Variants in TIAM1 observed in about 807,000 individuals in gnomAD.
The protein encoded by TIAM1 is TIAM Rac1 associated GEF 1, also known as rho guanine nucleotide exchange factor TIAM1.
In TIAM1, 65 loss-of-function variants were observed where a neutral mutation model predicts 163.5. The observed-to-expected ratio is 0.40, with a 90% CI of 0.33 to 0.49. The LOEUF (loss-of-function observed/expected upper bound fraction) is 0.49. TIAM1 is among the 20% of genes least tolerant of loss of function. The pLI is 0.77. For missense variants in TIAM1, 1,789 were observed against 2,044.7 expected (o/e 0.87, Z 2.41); for synonymous variants, 833 against 810.1 (o/e 1.03, Z -0.48).
At chr21:31,419,846 T>G (rs1423318132) in intron 2 of TIAM1, among the ~76,000 whole-genome samples, 1 of 151,590 alleles carries the variant, frequency 6.6e-6, no homozygotes, top group East Asian at 1.9e-4. Context: ...AGGTCAGGAG[T>G]TCAAGACCAG....
At chr21:31,438,476 G>A (rs1280673364) in intron 2 of TIAM1, among the ~76,000 whole-genome samples, 6 of 152,096 alleles carry the variant, frequency 3.9e-5, no homozygotes, top group Admixed American at 3.9e-4. Flanking sequence ...ACAAGTGTGA[G>A]CCACTGCACC....
intron 2 of TIAM1, among the ~76,000 whole-genome samples, chr21:31,398,973 C>T (rs1266912788): frequency 1.3e-5 from 2 of 151,948 alleles, no homozygotes; most frequent in Non-Finnish European, 2.9e-5. Context: ...GCCAGGAGTT[C>T]GAGACCAGCT....
intron 1 of TIAM1, among the ~76,000 whole-genome samples, chr21:31,519,080 G>A (rs776989948): frequency 1.8e-4 from 27 of 151,730 alleles, no homozygotes; most frequent in Non-Finnish European, 2.9e-4. Context: ...AGGCTGAGGC[G>A]GGCAGATCAC....
chr21:31,153,844 T>C (rs1307131796), intron 17 of TIAM1, among the ~76,000 whole-genome samples: 5 of 151,930 alleles, frequency 3.3e-5, no homozygotes, highest in Non-Finnish European at 1.5e-5. Flanking sequence ...GAGGATCGCT[T>C]GAGCCCATGA....
chr21:31,327,894 C>T (rs994724344), intron 2 of TIAM1, among the ~76,000 whole-genome samples: 14 of 151,992 alleles, frequency 9.2e-5, no homozygotes, highest in African/African-American at 3.4e-4. Flanking sequence ...TAAACCAGAT[C>T]GTGTCTCCCT....
intron 2 of TIAM1, among the ~76,000 whole-genome samples, chr21:31,312,974 A>G (rs1453950677): frequency 6.6e-6 from 1 of 152,258 alleles, no homozygotes; most frequent in African/African-American, 2.4e-5. Flanking sequence ...GACATAGCTC[A>G]GCAATCTTCT....
At chr21:31,151,600 C>CA (rs1267869610) in intron 19 of TIAM1, among the ~76,000 whole-genome samples, 3 of 152,052 alleles carry the variant, frequency 2.0e-5, no homozygotes, top group African/African-American at 7.3e-5. Flanking sequence ...CACAAAAGGG[C>CA]AGGACAAGAC....
At chr21:31,442,403 T>G (rs2044468793) in intron 2 of TIAM1, among the ~76,000 whole-genome samples, 1 of 151,694 alleles carries the variant, frequency 6.6e-6, no homozygotes. Flanking sequence ...TGGGTAATTT[T>G]TGGATTGTTA....
At chr21:31,333,457 C>T (rs2075743126) in intron 2 of TIAM1, among the ~76,000 whole-genome samples, 1 of 151,944 alleles carries the variant, frequency 6.6e-6, no homozygotes, top group South Asian at 2.1e-4. Flanking sequence ...TTTTCTTTTG[C>T]GACAGGGTCT....
At chr21:31,267,423 T>C (rs2072838891) in intron 3 of TIAM1, among the ~76,000 whole-genome samples, 2 of 152,262 alleles carry the variant, frequency 1.3e-5, no homozygotes, top group East Asian at 3.9e-4. Flanking sequence ...GTAATTTCTG[T>C]TTGAAATGAT....
intron 3 of TIAM1, among the ~76,000 whole-genome samples, chr21:31,272,638 T>C (rs543313333): frequency 6.6e-6 from 1 of 152,340 alleles, no homozygotes; most frequent in African/African-American, 2.4e-5. Flanking sequence ...ATCATAATTA[T>C]TTTGAAATAA....
At chr21:31,551,916 A>C (rs2048701389) in intron 1 of TIAM1, among the ~76,000 whole-genome samples, 1 of 152,172 alleles carries the variant, frequency 6.6e-6, no homozygotes, top group South Asian at 2.1e-4. Flanking sequence ...AACAAATGTA[A>C]TTGTTTCCAG....
chr21:31,251,003 T>C lies in TIAM1; in HGVS notation c.1411+739A>G, dbSNP rs149394758. 2.9e-3 allele frequency among the ~76,000 whole-genome samples: 447 copies of C among 152,362 alleles called. 6 individuals carry two copies. Among genetic ancestry groups the C allele is most frequent in the African/African-American group, 0.01 (436 of 41,586 alleles). ...GCTTTTTCATAAACATGATGGTCTATACAATCCATTAATATCAGGTTGAAT... is the reference window on the plus strand; with the variant it reads ...GCTTTTTCATAAACATGATGGTCTACACAATCCATTAATATCAGGTTGAAT... On this transcript the variant is annotated intron_variant, in intron 5 of 27. Coordinates refer to ENST00000541036, the MANE Select transcript of TIAM1 (RefSeq NM_001353694.2).
intron 7 of TIAM1, among the ~76,000 whole-genome samples, chr21:31,225,431 CT>C (rs2087893162): frequency 6.6e-6 from 1 of 152,104 alleles, no homozygotes; most frequent in Non-Finnish European, 1.5e-5. Context: ...AAATTGCAAA[CT>C]TTCTAATTAC....
chr21:31,373,500 C>T (rs1385617593), intron 2 of TIAM1, among the ~76,000 whole-genome samples: 2 of 152,150 alleles, frequency 1.3e-5, no homozygotes, highest in Non-Finnish European at 2.9e-5. Flanking sequence ...CCCTGATAAA[C>T]CCATCGGATC....
chr21:31,506,235 T>G (rs1310965669), intron 1 of TIAM1, among the ~76,000 whole-genome samples: 1 of 139,450 alleles, frequency 7.2e-6, no homozygotes, highest in Non-Finnish European at 1.5e-5. Flanking sequence ...TAGCACTCTC[T>G]CTAAACTCAC....
chr21:31,167,888 G>T (rs1039430615), intron 15 of TIAM1, among the ~76,000 whole-genome samples: 1 of 152,178 alleles, frequency 6.6e-6, no homozygotes, highest in African/African-American at 2.4e-5. Flanking sequence ...GCTTGGGTCA[G>T]TACAACTTCA....
intron 6 of TIAM1, among the ~76,000 whole-genome samples, chr21:31,242,405 C>T (rs1003886235): frequency 6.6e-6 from 1 of 151,976 alleles, no homozygotes; most frequent in Non-Finnish European, 1.5e-5. Context: ...CACCTGTAGC[C>T]CCAGCTATTC....
At chr21:31,245,394 AAAAG>A in intron 6 of TIAM1, 90 bp downstream of exon 6, 2 of 891,650 alleles carry the variant, frequency 2.2e-6, no homozygotes, top group Non-Finnish European at 2.9e-6. Flanking sequence ...AAAAAAAAAA[AAAAG>A]CAGTGGAGGG....
Sources: allele counts gnomAD v4.1 joint callset (sites outside exome capture counted in the v4.1 genomes callset), GRCh38; gene constraint gnomAD v4.1.1; transcripts MANE v1.5; gene names NCBI Gene and HGNC (gene_info 2026-07-23, HGNC 2026-07-21).